The following MYLK4 variants were observed in gnomAD, a reference collection of about 807,000 sequenced individuals.
MYLK4 encodes the protein caMLCK like.
MYLK4 carries 46 observed loss-of-function variants against 48.1 expected under a neutral mutation model. That is an observed-to-expected ratio of 0.96 (90% CI 0.75 to 1.22). MYLK4 has a LOEUF of 1.22. Ranked by LOEUF, MYLK4 falls within the 50% of genes most tolerant of loss-of-function variation. MYLK4 has a pLI of 0.00. For missense variants in MYLK4, 451 were observed against 486.1 expected, an observed-to-expected ratio of 0.93 and a Z score of 0.68; for synonymous variants, 170 against 180.8, an observed-to-expected ratio of 0.94 and a Z score of 0.48.
At chr6:2,703,469 G>A (rs148556805) in intron 2 of MYLK4, among the ~76,000 whole-genome samples, 299 of 152,192 alleles carry the variant, frequency 2.0e-3, no homozygotes, top group African/African-American at 6.5e-3. Flanking sequence ...GCCCTGGGAC[G>A]GTGGCCCTGA....
chr6:2,727,741 G>GAT (rs1237507996), intron 2 of MYLK4, among the ~76,000 whole-genome samples: 3 of 152,104 alleles, frequency 2.0e-5, no homozygotes, highest in Non-Finnish European at 4.4e-5. Context: ...GAGGTCAAGA[G>GAT]ATAGAGACCA....
the MYLK4 span, among the ~76,000 whole-genome samples, chr6:2,768,070 A>G: frequency 6.6e-6 from 1 of 152,228 alleles, no homozygotes; most frequent in Non-Finnish European, 1.5e-5. Context: ...TTGAGGACCC[A>G]AGAAGTGCTT....
chr6:2,704,483 T>A (rs1047278738), intron 2 of MYLK4, among the ~76,000 whole-genome samples: 1 of 152,360 alleles, frequency 6.6e-6, no homozygotes, highest in East Asian at 1.9e-4. Context: ...TTTGATCACC[T>A]TCTCAAATTT....
chr6:2,763,449 A>C, the MYLK4 span, among the ~76,000 whole-genome samples: 2 of 152,202 alleles, frequency 1.3e-5, no homozygotes, highest in African/African-American at 2.4e-5. Context: ...AGGCTCAGGC[A>C]TGGCAGGCCT....
At chr6:2,742,473 G>A (rs2113362761) in intron 2 of MYLK4, among the ~76,000 whole-genome samples, 1 of 151,346 alleles carries the variant, frequency 6.6e-6, no homozygotes, top group East Asian at 1.9e-4. Context: ...CAACCCAAAT[G>A]TCCAACAATG....
At chr6:2,766,388 C>CT in the MYLK4 span, 2 of 1,607,758 alleles carry the variant, frequency 1.2e-6, no homozygotes, top group African/African-American at 2.7e-5. Context: ...GCGCTCGCTC[C>CT]TGGAGACCAA....
chr6:2,734,034 C>T (rs1035639082), intron 2 of MYLK4, among the ~76,000 whole-genome samples: 2 of 152,132 alleles, frequency 1.3e-5, no homozygotes, highest in African/African-American at 4.8e-5. Flanking sequence ...CCACAGACTC[C>T]AGACACTAGT....
At chr6:2,768,749 CATT>C in the MYLK4 span, 2 of 1,613,898 alleles carry the variant, frequency 1.2e-6, no homozygotes, top group Non-Finnish European at 1.7e-6. Flanking sequence ...AGGTTTGTGA[CATT>C]ATCTGCAACA....
intron 12 of MYLK4, among the ~76,000 whole-genome samples, chr6:2,670,607 T>C (rs1249810810): frequency 6.6e-6 from 1 of 152,184 alleles, no homozygotes; most frequent in Non-Finnish European, 1.5e-5. Flanking sequence ...TACATTGGGC[T>C]AGATTATTGA....
chr6:2,770,276 C>T, the MYLK4 span: 1 of 1,614,122 alleles, frequency 6.2e-7, no homozygotes, highest in Non-Finnish European at 8.5e-7. Flanking sequence ...TATTTTAATG[C>T]GAGCGATCAA....
the MYLK4 span, chr6:2,770,092 C>CTTT: frequency 1.9e-5 from 30 of 1,612,474 alleles, no homozygotes; most frequent in Non-Finnish European, 2.4e-5. Flanking sequence ...ACTGGAATCA[C>CTTT]TTTTTTCTGT....
intron 2 of MYLK4, among the ~76,000 whole-genome samples, chr6:2,720,260 C>T (rs535572637): frequency 7.8e-4 from 118 of 151,872 alleles, no homozygotes; most frequent in Non-Finnish European, 1.4e-3. Context: ...AAAAATTAGC[C>T]GGGCGTGATG....
chr6:2,741,535 A>G (rs1763900168), intron 2 of MYLK4, among the ~76,000 whole-genome samples: 1 of 152,040 alleles, frequency 6.6e-6, no homozygotes, highest in Admixed American at 6.5e-5. Context: ...TACACAGTAC[A>G]TTGGAAAACC....
the MYLK4 span, among the ~76,000 whole-genome samples, chr6:2,764,745 G>A: frequency 1.3e-5 from 2 of 152,322 alleles, no homozygotes; most frequent in South Asian, 4.1e-4. Context: ...CGGCCCGCGA[G>A]AAGCATCTCT....
At chr6:2,682,942 T>A (rs944859526) in intron 7 of MYLK4, 79 bp downstream of exon 7, 2 of 1,506,556 alleles carry the variant, frequency 1.3e-6, no homozygotes, top group East Asian at 2.3e-5. Context: ...TTTCCCCAGC[T>A]GGCATATAAT....
the MYLK4 span, among the ~76,000 whole-genome samples, chr6:2,756,108 T>C: frequency 6.6e-6 from 1 of 152,260 alleles, no homozygotes; most frequent in African/African-American, 2.4e-5. Flanking sequence ...TCTCAGTATC[T>C]ATTCTTGAGA....
intron 2 of MYLK4, among the ~76,000 whole-genome samples, chr6:2,714,326 G>C (rs1166487101): frequency 6.6e-6 from 1 of 152,210 alleles, no homozygotes; most frequent in East Asian, 1.9e-4. Flanking sequence ...AAAGTTCTAA[G>C]TAAACTGCCC....
intron 2 of MYLK4, chr6:2,744,199 G>T: frequency 2.5e-6 from 1 of 395,420 alleles, no homozygotes; most frequent in East Asian, 3.6e-5. Context: ...GACGTCTCCA[G>T]TTACGTGATC....
At chr6:2,753,495 T>C (rs1178414243), upstream of MYLK4, among the ~76,000 whole-genome samples, 1 of 152,052 alleles carries the variant, frequency 6.6e-6, no homozygotes, top group African/African-American at 2.4e-5. Flanking sequence ...ATACGACCCA[T>C]AAAAACGAAG....
Sources: gnomAD v4.1 joint callset for allele counts (sites outside exome capture counted in the v4.1 genomes callset) on GRCh38, gnomAD v4.1.1 for gene constraint, MANE v1.5 for transcripts, NCBI Gene and HGNC (gene_info 2026-07-23, HGNC 2026-07-21) for gene names.